COL5A2: variants seen among roughly 807,000 people sequenced by gnomAD.
COL5A2 encodes the protein collagen alpha-2(V) chain.
COL5A2 carries 23 observed loss-of-function variants against 208.2 expected under a neutral mutation model. That is an observed-to-expected ratio of 0.11 (90% CI 0.08 to 0.16). The LOEUF is 0.16. COL5A2 is among the 10% of genes least tolerant of loss of function. The pLI, the probability that COL5A2 is intolerant of heterozygous loss-of-function variation, is 1.00. For synonymous variants in COL5A2, 625 were observed against 628.5 expected (o/e 0.99, Z 0.08); for missense variants, 1,590 against 1,956.4 (o/e 0.81, Z 3.53).
intron 35 of COL5A2, among the ~76,000 whole-genome samples, chr2:189,055,268 T>C (rs995136085): frequency 1.3e-5 from 2 of 152,298 alleles, no homozygotes; most frequent in Non-Finnish European, 2.9e-5. Context: ...TTTATGGGCA[T>C]AGGAGAGCTA....
At chr2:189,061,648 T>G (rs765688959) in intron 29 of COL5A2, 33 bp from the exon 30 acceptor site, 56 of 1,525,570 alleles carry the variant, frequency 3.7e-5, no homozygotes, top group Admixed American at 6.7e-5. Context: ...ATTGTGAATA[T>G]AACCAGATCT....
the COL5A2 span, among the ~76,000 whole-genome samples, chr2:189,426,003 T>C: frequency 1.3e-5 from 2 of 152,334 alleles, no homozygotes; most frequent in South Asian, 4.1e-4. Flanking sequence ...GATATTTCCT[T>C]ATAGCAGTAA....
chr2:189,244,657 G>A, the COL5A2 span, among the ~76,000 whole-genome samples: 1 of 152,168 alleles, frequency 6.6e-6, no homozygotes, highest in African/African-American at 2.4e-5. Flanking sequence ...CAAGTCTCTA[G>A]GGAGTTCCAA....
chr2:189,348,842 A>G, the COL5A2 span, among the ~76,000 whole-genome samples: 3 of 152,142 alleles, frequency 2.0e-5, no homozygotes, highest in Non-Finnish European at 4.4e-5. Flanking sequence ...CAATTCACAA[A>G]CAAGACAATT....
At chr2:189,100,197 C>A in intron 3 of COL5A2, 58 bp from the exon 4 acceptor site, 1 of 1,343,122 alleles carries the variant, frequency 7.4e-7, no homozygotes, top group Non-Finnish European at 1.1e-6. Flanking sequence ...GCTTGCTGGG[C>A]AAAAACATGT....
chr2:189,138,295 T>C (rs1423711067), intron 1 of COL5A2, among the ~76,000 whole-genome samples: 1 of 152,076 alleles, frequency 6.6e-6, no homozygotes, highest in African/African-American at 2.4e-5. Context: ...TAAGGTATTA[T>C]TTCCAGCCTC....
In COL5A2 at chr2:189,039,521, G is replaced by A. The variant is rs199621926; in HGVS notation, c.3676C>T (p.Pro1226Ser). The change falls in exon 51 of 54, where the codon CCT (proline) becomes TCT (serine). Residue 1226 changes from proline to serine, a missense_variant. Physicochemically the swap from Pro to Ser is moderately conservative, Grantham distance 74. Coordinates refer to ENST00000374866, the MANE Select transcript of COL5A2 (RefSeq NM_000393.5). ...CCAAGAGCAGCTGTAAGGTGGCCAG[G>A]GGGACCCGGAGGGCCAGGTGGGCCA... The part of the protein sequence containing the change: ...EPGPPGPPGP[P>S]GHLTAALGDI... The A allele has an allele frequency of 5.9e-5, 95 of 1,613,858 alleles. No homozygotes were observed. Among genetic ancestry groups the A allele is most frequent in the Non-Finnish European group, 7.5e-5 (89 of 1,180,022 alleles).
At chr2:189,114,478 T>C (rs1576536323) in intron 1 of COL5A2, among the ~76,000 whole-genome samples, 1 of 152,088 alleles carries the variant, frequency 6.6e-6, no homozygotes, top group Non-Finnish European at 1.5e-5. Context: ...GTTGTCATAA[T>C]AGAATTATTT....
chr2:189,156,439 A>G (rs1423618599), intron 1 of COL5A2, among the ~76,000 whole-genome samples: 6 of 152,202 alleles, frequency 3.9e-5, no homozygotes, highest in Non-Finnish European at 8.8e-5. Context: ...ACTCATATAT[A>G]AAATCATTCT....
At chr2:189,035,450 A>G (rs1049360226) in intron 52 of COL5A2, among the ~76,000 whole-genome samples, 21 of 152,098 alleles carry the variant, frequency 1.4e-4, no homozygotes, top group Admixed American at 7.9e-4. Flanking sequence ...TCATGTATCA[A>G]AAATAACTCA....
the COL5A2 span, among the ~76,000 whole-genome samples, chr2:189,425,678 T>C: frequency 6.6e-6 from 1 of 152,160 alleles, no homozygotes; most frequent in South Asian, 2.1e-4. Flanking sequence ...CCAGTGCTGA[T>C]TGTGGGGCCT....
chr2:189,033,878 A>C lies in COL5A2; in HGVS notation c.*192T>G. 1 of 699,560 alleles carries C rather than the reference A, an allele frequency of 1.4e-6. No homozygotes were observed. The highest frequency in any genetic ancestry group is 2.4e-6 in the Non-Finnish European group (1 of 417,648). 43.3% of individuals were successfully genotyped at this position (699,560 alleles called of 1,614,324 possible). On this transcript the variant is annotated 3_prime_UTR_variant, in exon 54 of 54. Transcript: ENST00000374866. ...TGAAAAATATTTAAAATCAATTAAA[A>C]CTTGAGGATTGTAAGTAAAATAAAT... is the stretch of plus-strand genomic sequence containing the variant.
chr2:189,158,453 G>T lies in COL5A2; in HGVS notation c.97+21055C>A, dbSNP rs370242998. On this transcript the variant is annotated intron_variant, in intron 1 of 53. Transcript: ENST00000374866. ...ATTAAGAAACAATATAAAACTAAAA[G>T]AAATTAGCTGAGTACAATTTAAGTC... is the stretch of plus-strand genomic sequence containing the variant. Among the ~76,000 whole-genome samples, 62 of 152,020 alleles carry T rather than the reference G, an allele frequency of 4.1e-4. 1 individual carries two copies. The highest frequency in any genetic ancestry group is 1.3e-3 in the African/African-American group (52 of 41,518).
the COL5A2 span, among the ~76,000 whole-genome samples, chr2:189,435,066 G>A: frequency 6.6e-6 from 1 of 152,140 alleles, no homozygotes; most frequent in Non-Finnish European, 1.5e-5. Flanking sequence ...ACAGAAACAA[G>A]AAATGGGGAA....
chr2:189,349,038 T>C, the COL5A2 span, among the ~76,000 whole-genome samples: 1 of 152,158 alleles, frequency 6.6e-6, no homozygotes, highest in Non-Finnish European at 1.5e-5. Flanking sequence ...CTGGACCCAA[T>C]TACTAACATA....
the COL5A2 span, among the ~76,000 whole-genome samples, chr2:189,406,992 T>C: frequency 6.6e-6 from 1 of 152,132 alleles, no homozygotes; most frequent in African/African-American, 2.4e-5. Flanking sequence ...TGAATGAATA[T>C]GTTGAATATT....
chr2:189,162,837 C>G (rs1688393643), intron 1 of COL5A2, among the ~76,000 whole-genome samples: 2 of 151,940 alleles, frequency 1.3e-5, no homozygotes, highest in Admixed American at 1.3e-4. Flanking sequence ...TCAGTCAGTA[C>G]TAGTGAAGGA....
At chr2:189,439,943 C>G in the COL5A2 span, among the ~76,000 whole-genome samples, 1 of 152,304 alleles carries the variant, frequency 6.6e-6, no homozygotes, top group East Asian at 1.9e-4. Flanking sequence ...GTGCATACAT[C>G]AAGAGACTAA....
chr2:189,220,628 T>C (rs1689337310), intron 1 of COL5A2, among the ~76,000 whole-genome samples: 1 of 152,192 alleles, frequency 6.6e-6, no homozygotes, highest in South Asian at 2.1e-4. Context: ...CAGGTAAATA[T>C]GTATTTTAGA....
Sources: allele counts gnomAD v4.1 joint callset (sites outside exome capture counted in the v4.1 genomes callset), GRCh38; gene constraint gnomAD v4.1.1; transcripts MANE v1.5; gene names NCBI Gene and HGNC (gene_info 2026-07-23, HGNC 2026-07-21).